ELOVL4: variants seen among roughly 807,000 people sequenced by gnomAD.
ELOVL4 encodes the protein ELOVL fatty acid elongase 4, also known as very long chain fatty acid elongase 4.
In ELOVL4, 18 loss-of-function variants were observed where a neutral mutation model predicts 42.1. That is an observed-to-expected ratio of 0.43 (90% confidence interval 0.30 to 0.63). The LOEUF (loss-of-function observed/expected upper bound fraction) is 0.63. ELOVL4 is among the 30% of genes least tolerant of loss of function. The pLI, the probability that ELOVL4 is intolerant of heterozygous loss-of-function variation, is 0.15. For missense variants in ELOVL4, 299 were observed against 376.2 expected (o/e 0.79, Z 1.70); for synonymous variants, 117 against 127.0 (o/e 0.92, Z 0.53).
intron 4 of ELOVL4, among the ~76,000 whole-genome samples, chr6:79,920,840 T>A (rs1038591228): frequency 2.0e-5 from 3 of 152,148 alleles, no homozygotes; most frequent in Non-Finnish European, 4.4e-5. Context: ...ACCCATCACA[T>A]GAGGTCAGGT....
At chr6:79,946,977 G>C (rs1440210403) in intron 1 of ELOVL4, among the ~76,000 whole-genome samples, 2 of 152,200 alleles carry the variant, frequency 1.3e-5, no homozygotes, top group African/African-American at 4.8e-5. Flanking sequence ...CCCTGCGAGT[G>C]TCGGGGGAGG....
In ELOVL4 at chr6:79,921,369, G is replaced by A. The variant is rs112132538; in HGVS notation, c.541+256C>T. Among the ~76,000 whole-genome samples the A allele has an allele frequency of 5.8e-3, 838 of 145,082 alleles. 7 individuals carry two copies. The highest frequency in any genetic ancestry group is 0.02 in the African/African-American group (809 of 39,680). ...CCAGCTACTCAGGAGGCTGAGGCAG[G>A]AGAATCGCTGGAACCCGGGAGGTGG... On this transcript the variant is annotated intron_variant, in intron 4 of 5. Coordinates refer to ENST00000369816, the MANE Select transcript of ELOVL4 (RefSeq NM_022726.4).
intron 1 of ELOVL4, among the ~76,000 whole-genome samples, chr6:79,944,987 C>CAAAAA (rs200726708): frequency 0.015 from 1,394 of 92,866 alleles, 21 homozygotes; most frequent in Non-Finnish European, 0.017. Flanking sequence ...TGAATGAGTC[C>CAAAAA]AAAAAAAAAA....
At chr6:79,933,089 A>G (rs1260457567) in intron 1 of ELOVL4, among the ~76,000 whole-genome samples, 1 of 152,218 alleles carries the variant, frequency 6.6e-6, no homozygotes, top group Admixed American at 6.5e-5. Flanking sequence ...GAAACTAAGC[A>G]GACATGATGA....
intron 1 of ELOVL4, among the ~76,000 whole-genome samples, chr6:79,942,488 A>G (rs939161261): frequency 2.0e-5 from 3 of 152,212 alleles, no homozygotes; most frequent in African/African-American, 7.2e-5. Context: ...AACAAATGAA[A>G]ATACTTACGT....
chr6:79,928,727 G>GTTTTTTTTTTTT (rs34673896), intron 1 of ELOVL4, among the ~76,000 whole-genome samples: 1 of 75,608 alleles, frequency 1.3e-5, no homozygotes, highest in African/African-American at 6.4e-5. Context: ...TGGTGACTGG[G>GTTTTTTTTTTTT]TTTTTTTTTT....
chr6:79,925,583 A>G (rs1774329453), intron 2 of ELOVL4, among the ~76,000 whole-genome samples: 1 of 152,172 alleles, frequency 6.6e-6, no homozygotes, highest in African/African-American at 2.4e-5. Context: ...ATGCAATTTA[A>G]AAAATGGCTG....
intron 4 of ELOVL4, among the ~76,000 whole-genome samples, chr6:79,921,041 C>T (rs980869229): frequency 5.9e-5 from 9 of 152,068 alleles, no homozygotes; most frequent in African/African-American, 1.7e-4. Context: ...CTACTAGACC[C>T]GTTCCCCATC....
At chr6:79,929,259 G>C (rs1774403160) in intron 1 of ELOVL4, among the ~76,000 whole-genome samples, 5 of 151,392 alleles carry the variant, frequency 3.3e-5, no homozygotes, top group Admixed American at 3.3e-4. Flanking sequence ...TTTCTTTTTT[G>C]AGACAGAGTC....
At chr6:79,934,685 C>A (rs754898863) in intron 1 of ELOVL4, among the ~76,000 whole-genome samples, 3 of 152,158 alleles carry the variant, frequency 2.0e-5, no homozygotes, top group Non-Finnish European at 4.4e-5. Context: ...GCATTAGACT[C>A]TTCACTTACC....
chr6:79,925,636 G>A (rs1774330587), intron 2 of ELOVL4, among the ~76,000 whole-genome samples: 1 of 152,092 alleles, frequency 6.6e-6, no homozygotes, highest in African/African-American at 2.4e-5. Flanking sequence ...ATGTTGTGGA[G>A]AATTTGCTAG....
At chr6:79,946,940 G>A (rs2127703442) in intron 1 of ELOVL4, among the ~76,000 whole-genome samples, 1 of 152,358 alleles carries the variant, frequency 6.6e-6, no homozygotes, top group Admixed American at 6.5e-5. Context: ...GAGAGCTGAT[G>A]AGAGATGGAG....
rs2991 is a variant in ELOVL4 at position 79,914,939 on chromosome 6, A to C, written c.*1669T>G. On this transcript the variant is annotated 3_prime_UTR_variant, in exon 6 of 6. Coordinates refer to ENST00000369816, the MANE Select transcript of ELOVL4 (RefSeq NM_022726.4). ...TCTCAGTCATTACACACTGAGCAAC[A>C]AAACAAAGGTGTTGAATCCTCTTAG... 22,857 of 152,552 alleles carry C rather than the reference A, an allele frequency of 0.15. 1,935 individuals carry two copies. The highest frequency in any genetic ancestry group is 0.36 in the South Asian group (1,718 of 4,818). 9.4% of individuals were successfully genotyped at this position (152,552 alleles called of 1,614,324 possible). A position where few individuals can be genotyped will look rare whatever the true frequency, so the allele number is the denominator to read the frequency against.
intron 1 of ELOVL4, among the ~76,000 whole-genome samples, chr6:79,943,439 C>G (rs1169797945): frequency 1.3e-5 from 2 of 152,180 alleles, no homozygotes; most frequent in East Asian, 3.9e-4. Flanking sequence ...TGACAGTACT[C>G]ACATCAACTC....
At chr6:79,939,287 G>A (rs185070427) in intron 1 of ELOVL4, among the ~76,000 whole-genome samples, 2 of 151,788 alleles carry the variant, frequency 1.3e-5, no homozygotes, top group East Asian at 1.9e-4. Flanking sequence ...CTTGCATTGC[G>A]GTAAAAAGAA....
rs1043267906 is a variant in ELOVL4, at chr6:79,915,863, A to G, written c.*745T>C. ...ACAATAATCTTAATTTTCATAATAT[A>G]TTTCTGCTACTAACAGGAGTATTCA... On this transcript the variant is annotated 3_prime_UTR_variant, in exon 6 of 6. Transcript: ENST00000369816. The G allele has an allele frequency of 6.6e-6, 1 of 152,600 alleles. No homozygotes were observed. The highest frequency in any genetic ancestry group is 2.4e-5 in the African/African-American group (1 of 41,446). The allele number at this position is 152,600 out of a possible 1,614,324, so 9.5% of individuals were successfully genotyped here. A position where few individuals can be genotyped will look rare whatever the true frequency, so the allele number is the denominator to read the frequency against.
At chr6:79,923,202 G>A (rs910894875) in intron 3 of ELOVL4, among the ~76,000 whole-genome samples, 4 of 152,062 alleles carry the variant, frequency 2.6e-5, no homozygotes, top group South Asian at 2.1e-4. Context: ...TCTTGGCTAC[G>A]TAACAATGAA....
intron 1 of ELOVL4, among the ~76,000 whole-genome samples, chr6:79,945,053 G>A (rs1422306646): frequency 2.0e-5 from 3 of 150,282 alleles, no homozygotes; most frequent in Non-Finnish European, 4.4e-5. Context: ...AAACGTAAAT[G>A]GGACACCACA....
Position 79,916,440 on chromosome 6 carries a change from T to C in ELOVL4, c.*168A>G, listed in dbSNP as rs1220496049. 4.1e-6 allele frequency: 3 copies of C among 725,382 alleles called. No homozygotes were observed. The highest frequency in any genetic ancestry group is 5.3e-5 in the East Asian group (2 of 37,758). The allele number at this position is 725,382 out of a possible 1,614,324, so 44.9% of individuals were successfully genotyped here. Reference sequence around the variant, plus strand: ...AAATAAAAACTTCATAAATAAAACATCTGGGTATGGTATTAACACTTTACT... The same window carrying C: ...AAATAAAAACTTCATAAATAAAACACCTGGGTATGGTATTAACACTTTACT... On this transcript the variant is annotated 3_prime_UTR_variant, in exon 6 of 6. Transcript: ENST00000369816.
Sources: gnomAD v4.1 joint callset for allele counts (sites outside exome capture counted in the v4.1 genomes callset) on GRCh38, gnomAD v4.1.1 for gene constraint, MANE v1.5 for transcripts, NCBI Gene and HGNC (gene_info 2026-07-23, HGNC 2026-07-21) for gene names.